Variants in KIF5C observed in about 807,000 individuals in gnomAD.
The protein encoded by KIF5C is kinesin heavy chain isoform 5C.
A neutral mutation model predicts 125.2 loss-of-function variants in KIF5C; 18 were observed. That is an observed-to-expected ratio of 0.14 (90% confidence interval 0.10 to 0.21). The LOEUF is 0.21. Ranked by LOEUF, KIF5C falls within the 10% of genes least tolerant of loss-of-function variation. The pLI, the probability that KIF5C is intolerant of heterozygous loss-of-function variation, is 1.00. For missense variants in KIF5C, 780 were observed against 1,183.8 expected (o/e 0.66, Z 5.01); for synonymous variants, 405 against 434.0 (o/e 0.93, Z 0.83).
chr2:148,978,344 T>G (rs1254860962), intron 12 of KIF5C, among the ~76,000 whole-genome samples: 3 of 145,130 alleles, frequency 2.1e-5, no homozygotes, highest in East Asian at 4.0e-4. Flanking sequence ...GTTTTTTTTT[T>G]TTTTTTTTTT....
intron 1 of KIF5C, chr2:148,883,562 T>A (rs1414495340): frequency 1.3e-5 from 2 of 152,190 alleles, no homozygotes; most frequent in East Asian, 3.8e-4. Flanking sequence ...CATTTTATTG[T>A]ATATTCTAGT....
intron 7 of KIF5C, among the ~76,000 whole-genome samples, chr2:148,944,251 A>C (rs1283104002): frequency 6.6e-6 from 1 of 152,196 alleles, no homozygotes; most frequent in Non-Finnish European, 1.5e-5. Context: ...AATGTGTGCA[A>C]TGTCACCACC....
At chr2:148,998,334 G>T in intron 18 of KIF5C, 66 bp from the exon 19 acceptor site, 1 of 1,549,032 alleles carries the variant, frequency 6.5e-7, no homozygotes. Context: ...CCAGATCCAG[G>T]GCTTGTCACA....
intron 3 of KIF5C, among the ~76,000 whole-genome samples, chr2:148,931,881 G>T (rs143198610): frequency 6.6e-6 from 1 of 152,140 alleles, no homozygotes; most frequent in African/African-American, 2.4e-5. Flanking sequence ...GTTTTAAAAG[G>T]TCAGTTGTAA....
At chr2:148,898,527 G>A (rs1341342443) in intron 1 of KIF5C, among the ~76,000 whole-genome samples, 1 of 152,194 alleles carries the variant, frequency 6.6e-6, no homozygotes, top group Non-Finnish European at 1.5e-5. Context: ...CAATCACAGG[G>A]ATTCTTAAAT....
chr2:148,914,300 G>T (rs1681458873), intron 1 of KIF5C, among the ~76,000 whole-genome samples: 1 of 152,166 alleles, frequency 6.6e-6, no homozygotes, highest in Non-Finnish European at 1.5e-5. Context: ...GATCTGAAAT[G>T]AAAATCACAT....
intron 12 of KIF5C, among the ~76,000 whole-genome samples, chr2:148,976,537 G>C (rs1474918439): frequency 6.6e-6 from 1 of 151,892 alleles, no homozygotes; most frequent in South Asian, 2.1e-4. Context: ...CAAAGTGCTG[G>C]GATTTCAGGC....
intron 4 of KIF5C, among the ~76,000 whole-genome samples, chr2:148,940,534 G>A (rs1682385502): frequency 1.3e-5 from 2 of 152,312 alleles, no homozygotes; most frequent in African/African-American, 4.8e-5. Flanking sequence ...CCAGTGCTGG[G>A]TTAGAGTCTT....
At chr2:148,877,920 T>C (rs969534315) in intron 1 of KIF5C, 6 of 152,216 alleles carry the variant, frequency 3.9e-5, no homozygotes, top group African/African-American at 1.4e-4. Flanking sequence ...AATAAACATA[T>C]ATTAGTGGCT....
intron 13 of KIF5C, among the ~76,000 whole-genome samples, chr2:148,980,510 T>A (rs1681200921): frequency 6.6e-6 from 1 of 152,018 alleles, no homozygotes; most frequent in Admixed American, 6.6e-5. Flanking sequence ...CATCCTTCTA[T>A]ATCTTCATGA....
intron 1 of KIF5C, among the ~76,000 whole-genome samples, chr2:148,892,482 C>G (rs1000265086): frequency 6.6e-6 from 1 of 152,216 alleles, no homozygotes; most frequent in African/African-American, 2.4e-5. Flanking sequence ...CTGGGCTATA[C>G]TTAAAAGTGG....
chr2:148,941,303 G>T (rs1198308165), intron 4 of KIF5C, among the ~76,000 whole-genome samples: 1 of 152,188 alleles, frequency 6.6e-6, no homozygotes. Flanking sequence ...CGTGCTTGGT[G>T]CTCATCTAAC....
chr2:148,905,613 G>A (rs758366480), intron 1 of KIF5C, among the ~76,000 whole-genome samples: 7 of 152,260 alleles, frequency 4.6e-5, no homozygotes, highest in South Asian at 2.1e-4. Context: ...AAGCAAGGTC[G>A]ATGGCAGGTT....
intron 4 of KIF5C, among the ~76,000 whole-genome samples, chr2:148,939,051 C>G (rs1574769193): frequency 6.7e-6 from 1 of 149,892 alleles, no homozygotes; most frequent in East Asian, 2.0e-4. Context: ...GCTGAGATCA[C>G]TCCACCACAC....
chr2:148,930,019 TAGG>T (rs1187751908), intron 3 of KIF5C, among the ~76,000 whole-genome samples: 1 of 152,238 alleles, frequency 6.6e-6, no homozygotes, highest in Non-Finnish European at 1.5e-5. Context: ...TGCTGTCACC[TAGG>T]AGAAGTTTGG....
At chr2:148,973,836 C>T (rs1265075872) in intron 12 of KIF5C, among the ~76,000 whole-genome samples, 2 of 152,122 alleles carry the variant, frequency 1.3e-5, no homozygotes, top group Non-Finnish European at 2.9e-5. Context: ...TTAAGTCTCC[C>T]TTTCTTCTCT....
Position 148,876,760 on chromosome 2 carries a change from G to A in KIF5C, c.126+1017G>A, listed in dbSNP as rs1681205351. Among the ~76,000 whole-genome samples, 1 of 152,158 alleles carries A rather than the reference G, an allele frequency of 6.6e-6. No individual in the cohort carries two copies. The highest frequency in any genetic ancestry group is 1.5e-5 in the Non-Finnish European group (1 of 68,022). ...CCCGCCCCTTCCCCGCCCGCTGTCC[G>A]TAGCGTGTGTGGCTGATGGTGCCCC... On this transcript the variant is annotated intron_variant, in intron 1 of 25. Coordinates refer to ENST00000435030, the MANE Select transcript of KIF5C (RefSeq NM_004522.3). The surrounding 1 kb of genome is among the most constrained non-coding windows in gnomAD (Gnocchi z 4.7).
intron 1 of KIF5C, among the ~76,000 whole-genome samples, chr2:148,904,447 A>C (rs1158484998): frequency 1.3e-5 from 2 of 152,206 alleles, no homozygotes. Flanking sequence ...CACATATATG[A>C]GGAGTGTCGT....
chr2:148,995,280 C>G (rs989489082), intron 17 of KIF5C, among the ~76,000 whole-genome samples: 1 of 152,248 alleles, frequency 6.6e-6, no homozygotes, highest in Non-Finnish European at 1.5e-5. Context: ...CATTCTCTCT[C>G]TGTCCAAACG....
Sources: allele counts gnomAD v4.1 joint callset (sites outside exome capture counted in the v4.1 genomes callset), GRCh38; gene constraint gnomAD v4.1.1; non-coding constraint Gnocchi (gnomAD v3.1); transcripts MANE v1.5; gene names NCBI Gene and HGNC (gene_info 2026-07-23, HGNC 2026-07-21).